Variants in CREBZF observed in about 807,000 individuals in gnomAD.
The protein encoded by CREBZF is HCF-binding transcription factor Zhangfei.
A neutral mutation model predicts 21.1 loss-of-function variants in CREBZF; 8 were observed. That is an observed-to-expected ratio of 0.38 (90% CI 0.22 to 0.68). The LOEUF is 0.68. CREBZF is among the 30% of genes least tolerant of loss of function. The pLI is 0.51. For synonymous variants in CREBZF, 270 were observed against 223.3 expected (o/e 1.21, Z -1.86); for missense variants, 518 against 484.3 (o/e 1.07, Z -0.65).
rs2082577667 is a variant in CREBZF, at chr11:85,658,396, A to G, written c.*5415T>C. 6.6e-6 allele frequency among the ~76,000 whole-genome samples: 1 copy of G among 152,054 alleles called. No individual in the cohort carries two copies. Among genetic ancestry groups the G allele is most frequent in the African/African-American group, 2.4e-5 (1 of 41,446 alleles). ...TTCTAATATCTGTCCTCTGCCACAT[A>G]TTTTTAAATTATCTTTTCCATTAGC... On this transcript the variant is annotated 3_prime_UTR_variant, in exon 1 of 1. Transcript: ENST00000527447.
chr11:85,670,553 C>T (rs1474981222), intron 1 of CREBZF, among the ~76,000 whole-genome samples: 5 of 152,092 alleles, frequency 3.3e-5, no homozygotes, highest in East Asian at 1.9e-4. Flanking sequence ...CCACCCGCCT[C>T]GGCCTTCCAA....
At chr11:85,668,755 C>A (rs992968431), upstream of CREBZF, among the ~76,000 whole-genome samples, 1 of 151,796 alleles carries the variant, frequency 6.6e-6, no homozygotes, top group Non-Finnish European at 1.5e-5. Flanking sequence ...GTAATCCCAG[C>A]ACTTTGGGAG....
intron 1 of CREBZF, among the ~76,000 whole-genome samples, chr11:85,670,384 A>C (rs1228128013): frequency 1.4e-5 from 2 of 139,998 alleles, no homozygotes; most frequent in African/African-American, 5.4e-5. Flanking sequence ...GCTCACTGCA[A>C]ACTCCACCTC....
chr11:85,677,279 G>C (rs141354542), intron 1 of CREBZF, among the ~76,000 whole-genome samples: 3 of 151,744 alleles, frequency 2.0e-5, no homozygotes, highest in Admixed American at 1.3e-4. Flanking sequence ...TCATTTTTTT[G>C]TGTAGCCACA....
intron 1 of CREBZF, among the ~76,000 whole-genome samples, chr11:85,681,845 C>T (rs1004654331): frequency 1.3e-5 from 2 of 152,156 alleles, no homozygotes; most frequent in African/African-American, 4.8e-5. Context: ...GGTTGCTTAT[C>T]CCCTTAATAG....
chr11:85,682,530 C>A (rs1158633771), intron 1 of CREBZF, among the ~76,000 whole-genome samples: 3 of 152,140 alleles, frequency 2.0e-5, no homozygotes, highest in Non-Finnish European at 4.4e-5. Flanking sequence ...ACAGTACCGT[C>A]CTCAGACCAG....
chr11:85,671,439 A>G (rs1335802663), intron 1 of CREBZF, among the ~76,000 whole-genome samples: 2 of 152,172 alleles, frequency 1.3e-5, no homozygotes, highest in Non-Finnish European at 2.9e-5. Flanking sequence ...TGCCATCCCA[A>G]CAGTCCCACA....
Position 85,663,696 on chromosome 11 carries a change from AC to A in CREBZF, c.*114del. The A allele has an allele frequency of 3.7e-6, 6 of 1,608,434 alleles. No individual in the cohort carries two copies. The highest frequency in any genetic ancestry group is 5.1e-6 in the Non-Finnish European group (6 of 1,177,224). The stretch of plus-strand genomic sequence containing the variant: ...GCTAAACACTTTAAGATTCAATATT[AC>A]TTTTTTTCTCTCCTCTGAAATGTGT... On this transcript the variant is annotated 3_prime_UTR_variant, in exon 1 of 1. Transcript: ENST00000527447.
At chr11:85,666,736 T>A (rs2082869383), upstream of CREBZF, among the ~76,000 whole-genome samples, 1 of 152,162 alleles carries the variant, frequency 6.6e-6, no homozygotes, top group Non-Finnish European at 1.5e-5. Context: ...ATTGAGTGAG[T>A]GAGTGAATAA....
chr11:85,663,625 CAT>C lies in CREBZF; in HGVS notation c.*184_*185del. 2 of 1,573,236 alleles carry C rather than the reference CAT, an allele frequency of 1.3e-6. No individual in the cohort carries two copies. Among genetic ancestry groups the C allele is most frequent in the Non-Finnish European group, 1.7e-6 (2 of 1,159,158 alleles). Reference sequence around the variant, plus strand: ...AACTGTCAGAGAGATTTAATAGTCACATGTTATCATTAGGAGTTGGTTACTGT... The same window carrying C: ...AACTGTCAGAGAGATTTAATAGTCACGTTATCATTAGGAGTTGGTTACTGT... On this transcript the variant is annotated 3_prime_UTR_variant, in exon 1 of 1. Transcript: ENST00000527447.
chr11:85,669,539 G>C (rs903001371), upstream of CREBZF, among the ~76,000 whole-genome samples: 6 of 152,128 alleles, frequency 3.9e-5, no homozygotes, highest in African/African-American at 1.4e-4. Flanking sequence ...TTTGTAATGA[G>C]AGAAGATAGC....
rs766382633 is a variant in CREBZF at position 85,664,876 on chromosome 11, G to C, written c.-1C>G. The C allele has an allele frequency of 2.0e-6, 3 of 1,480,670 alleles. No individual in the cohort carries two copies. Among genetic ancestry groups the C allele is most frequent in the Non-Finnish European group, 2.7e-6 (3 of 1,121,378 alleles). 91.7% of individuals were successfully genotyped at this position (1,480,670 alleles called of 1,614,324 possible). A position where few individuals can be genotyped will look rare whatever the true frequency, so the allele number is the denominator to read the frequency against. On this transcript the variant is annotated 5_prime_UTR_variant, in exon 1 of 1. Coordinates refer to ENST00000527447, the MANE Select transcript of CREBZF (RefSeq NM_001039618.4). This position sits in a 1 kb window ranked among gnomAD's most constrained non-coding sequence, Gnocchi z 5.5. ...GCAGCTTGGTCAGGCTATGCCTCAT[G>C]AGGGCCAGCGGCGGGCCGCGGTAGG...
upstream of CREBZF, among the ~76,000 whole-genome samples, chr11:85,667,497 C>T (rs943295857): frequency 9.9e-5 from 15 of 152,202 alleles, no homozygotes; most frequent in African/African-American, 3.6e-4. Context: ...AAATGTTCTT[C>T]AGGGAAGATG....
At position 85,663,467 on chromosome 11, in the gene CREBZF, C is replaced by T; in HGVS notation, c.*344G>A. 1.3e-6 allele frequency: 1 copy of T among 774,728 alleles called. No homozygotes were observed. Among genetic ancestry groups the T allele is most frequent in the East Asian group, 2.7e-5 (1 of 37,484 alleles). 48.0% of individuals were successfully genotyped at this position (774,728 alleles called of 1,614,324 possible). ...CACACACACAAACTGAGATGTTGCC[C>T]ATTAAAGTAGACAAAGCAGCAGAGC... is the stretch of plus-strand genomic sequence containing the variant. On this transcript the variant is annotated 3_prime_UTR_variant, in exon 1 of 1. Transcript: ENST00000527447.
Position 85,662,910 on chromosome 11 carries a change from TA to T in CREBZF, c.*900del, listed in dbSNP as rs1436201618. 1 of 157,082 alleles carries T rather than the reference TA, an allele frequency of 6.4e-6. No homozygotes were observed. The highest frequency in any genetic ancestry group is 1.4e-5 in the Non-Finnish European group (1 of 70,844). The allele number at this position is 157,082 out of a possible 1,614,324, so 9.7% of individuals were successfully genotyped here. A position where few individuals can be genotyped will look rare whatever the true frequency, so the allele number is the denominator to read the frequency against. The stretch of plus-strand genomic sequence containing the variant: ...TAGCCATTCTTATTCTCCAATTAAC[TA>T]AAACGCAGGAGTCTCATATGTATGT... On this transcript the variant is annotated 3_prime_UTR_variant, in exon 1 of 1. Transcript: ENST00000527447.
rs1187796403 is a variant in CREBZF at position 85,664,961 on chromosome 11, G to A, written c.-86C>T. On this transcript the variant is annotated 5_prime_UTR_variant, in exon 1 of 1. Coordinates refer to ENST00000527447, the MANE Select transcript of CREBZF (RefSeq NM_001039618.4). The surrounding 1 kb of genome is among the most constrained non-coding windows in gnomAD (Gnocchi z 5.5). ...AGGATCCCAGGCCCCAGGGCGGGTA[G>A]CCCCCGGCACTGGCCGAAACGAAAT... is the stretch of plus-strand genomic sequence containing the variant. 4 of 1,025,250 alleles carry A rather than the reference G, an allele frequency of 3.9e-6. No individual in the cohort carries two copies. The African/African-American group carries it at 5.1e-5, about 13-fold the overall frequency. 63.5% of individuals were successfully genotyped at this position (1,025,250 alleles called of 1,614,324 possible).
chr11:85,673,012 G>A (rs72958027), intron 1 of CREBZF, among the ~76,000 whole-genome samples: 5,684 of 152,254 alleles, frequency 0.037, 152 homozygotes, highest in East Asian at 0.097. Flanking sequence ...GGAAACCAAG[G>A]GTCCTTGCCT....
chr11:85,665,129 C>T lies in CREBZF; in HGVS notation c.-254G>A. The T allele has an allele frequency of 2.4e-6, 1 of 411,928 alleles. No homozygotes were observed. The highest frequency in any genetic ancestry group is 4.4e-6 in the Non-Finnish European group (1 of 225,802). The allele number at this position is 411,928 out of a possible 1,614,324, so 25.5% of individuals were successfully genotyped here. On this transcript the variant is annotated 5_prime_UTR_variant, in exon 1 of 1. Coordinates refer to ENST00000527447, the MANE Select transcript of CREBZF (RefSeq NM_001039618.4). ...CCCAGACAACGGCGTAGCCGGAAGT[C>T]AGTGGTTTTCGCCCCAGTCCCGCCC... is the stretch of plus-strand genomic sequence containing the variant.
intron 1 of CREBZF, among the ~76,000 whole-genome samples, chr11:85,670,807 A>G (rs181048665): frequency 6.6e-6 from 1 of 152,200 alleles, no homozygotes; most frequent in South Asian, 2.1e-4. Context: ...CTCAAAAATG[A>G]CATGTTGAAA....
Sources: gnomAD v4.1 joint callset for allele counts (sites outside exome capture counted in the v4.1 genomes callset) on GRCh38, gnomAD v4.1.1 for gene constraint, Gnocchi (gnomAD v3.1) non-coding constraint, MANE v1.5 for transcripts, NCBI Gene and HGNC (gene_info 2026-07-23, HGNC 2026-07-21) for gene names.